The following DCDC1 variants were observed in gnomAD, a reference collection of about 807,000 sequenced individuals.
DCDC1 encodes doublecortin domain-containing protein 1.
Under a neutral mutation model 178.3 loss-of-function variants are expected in DCDC1, and 200 were observed. The observed-to-expected ratio is 1.12, with a 90% CI of 1.00 to 1.26. The LOEUF is 1.26. DCDC1 is among the 50% of genes most tolerant of loss of function. The pLI, the probability that DCDC1 is intolerant of heterozygous loss-of-function variation, is 0.00. For synonymous variants in DCDC1, 690 were observed against 604.8 expected, an observed-to-expected ratio of 1.14 and a Z score of -2.07; for missense variants, 1,983 against 1,749.2, an observed-to-expected ratio of 1.13 and a Z score of -2.38.
chr11:31,277,075 T>G (rs556149658), intron 7 of DCDC1, among the ~76,000 whole-genome samples: 1 of 152,154 alleles, frequency 6.6e-6, no homozygotes, highest in East Asian at 1.9e-4. Flanking sequence ...ACTACCACAG[T>G]GAATATATAG....
chr11:30,893,138 A>T, intron 35 of DCDC1, 141 bp from the exon 36 acceptor site: 1 of 854,518 alleles, frequency 1.2e-6, no homozygotes, highest in Non-Finnish European at 1.7e-6. Context: ...TAAGTACATT[A>T]GCCTCTCTTG....
At chr11:30,922,314 ACATT>A (rs1320319504) in intron 24 of DCDC1, among the ~76,000 whole-genome samples, 185 bp downstream of exon 24, 5 of 152,242 alleles carry the variant, frequency 3.3e-5, no homozygotes, top group Non-Finnish European at 7.3e-5. Context: ...TTCTCTTTGC[ACATT>A]CAAACTGTAG....
intron 20 of DCDC1, among the ~76,000 whole-genome samples, chr11:30,967,881 C>T (rs1209364113): frequency 6.6e-6 from 1 of 151,790 alleles, no homozygotes; most frequent in Non-Finnish European, 1.5e-5. Flanking sequence ...CCAGAGGTCC[C>T]ACATGAAAAG....
intron 20 of DCDC1, among the ~76,000 whole-genome samples, chr11:30,986,372 C>G (rs1330729280): frequency 6.8e-6 from 1 of 147,286 alleles, no homozygotes; most frequent in Non-Finnish European, 1.5e-5. Context: ...CTCGCTCTGT[C>G]GCCAGGCTGG....
intron 20 of DCDC1, among the ~76,000 whole-genome samples, chr11:31,053,413 T>G (rs900670486): frequency 5.3e-5 from 8 of 152,014 alleles, no homozygotes; most frequent in African/African-American, 1.9e-4. Flanking sequence ...AAAGAAAAAT[T>G]GGTACCAATC....
At chr11:31,097,051 A>AG (rs1958209972) in intron 15 of DCDC1, among the ~76,000 whole-genome samples, 12 of 152,362 alleles carry the variant, frequency 7.9e-5, no homozygotes, top group African/African-American at 2.9e-4. Context: ...CTTACTGAGA[A>AG]TCAAAACAAT....
intron 20 of DCDC1, among the ~76,000 whole-genome samples, chr11:30,978,822 ACACAC>A (rs1565147866): frequency 2.5e-5 from 3 of 120,474 alleles, no homozygotes; most frequent in African/African-American, 9.1e-5. Flanking sequence ...ACACACACAC[ACACAC>A]CCCCTTCTCA....
chr11:31,132,726 G>T (rs1962601917), intron 10 of DCDC1, among the ~76,000 whole-genome samples: 1 of 152,084 alleles, frequency 6.6e-6, no homozygotes, highest in Non-Finnish European at 1.5e-5. Context: ...ACAAAAGAAG[G>T]CTTACGTATG....
chr11:31,126,627 C>A (rs913837073), intron 11 of DCDC1, among the ~76,000 whole-genome samples: 5 of 151,930 alleles, frequency 3.3e-5, no homozygotes, highest in African/African-American at 1.2e-4. Context: ...TATCACATAC[C>A]CATAAAAATA....
At chr11:30,933,075 T>C (rs1056102859) in intron 21 of DCDC1, among the ~76,000 whole-genome samples, 1 of 152,080 alleles carries the variant, frequency 6.6e-6, no homozygotes, top group Non-Finnish European at 1.5e-5. Flanking sequence ...AAAATATCAC[T>C]ACTGCATGTA....
At chr11:31,366,940 G>A (rs1165642999) in intron 1 of DCDC1, among the ~76,000 whole-genome samples, 3 of 152,220 alleles carry the variant, frequency 2.0e-5, no homozygotes, top group African/African-American at 7.2e-5. Context: ...GTGAGTTTCA[G>A]CTCTTTGATA....
chr11:31,313,297 A>G (rs1009632004), intron 3 of DCDC1, among the ~76,000 whole-genome samples: 1 of 152,172 alleles, frequency 6.6e-6, no homozygotes, highest in African/African-American at 2.4e-5. Context: ...GTCCTATTAA[A>G]GTTTAACATG....
intron 20 of DCDC1, among the ~76,000 whole-genome samples, chr11:30,968,038 A>G (rs949438454): frequency 1.3e-5 from 2 of 152,154 alleles, no homozygotes; most frequent in African/African-American, 4.8e-5. Context: ...AACACCATCC[A>G]ACACATTTTC....
rs61879918 is a variant in DCDC1 at position 31,356,465 on chromosome 11, A to G, written c.-125+13232T>C. 8.3e-3 allele frequency among the ~76,000 whole-genome samples: 1,256 copies of G among 152,238 alleles called. 7 individuals carry two copies. Among genetic ancestry groups the G allele is most frequent in the Non-Finnish European group, 0.013 (866 of 68,018 alleles). ...TGTAGAGGGAAATTTATAGCACTAA[A>G]TGCCCACAAGAGAAAGCAGGAAAGA... On this transcript the variant is annotated intron_variant, in intron 1 of 38. Transcript: ENST00000684477.
At chr11:31,114,280 C>A (rs1468555999) in intron 11 of DCDC1, among the ~76,000 whole-genome samples, 1 of 152,114 alleles carries the variant, frequency 6.6e-6, no homozygotes, top group Non-Finnish European at 1.5e-5. Flanking sequence ...TGGAAAGAGA[C>A]AATAGGGTTA....
chr11:30,983,043 T>C (rs1365269933), intron 20 of DCDC1, among the ~76,000 whole-genome samples: 1 of 152,154 alleles, frequency 6.6e-6, no homozygotes, highest in South Asian at 2.1e-4. Context: ...TCTACAGCTG[T>C]GTTGGAAAAT....
intron 7 of DCDC1, among the ~76,000 whole-genome samples, chr11:31,282,942 G>C (rs543941675): frequency 1.3e-5 from 2 of 152,230 alleles, no homozygotes; most frequent in South Asian, 4.1e-4. Flanking sequence ...CTAAAGAGAA[G>C]TTAGCTTTTA....
At chr11:30,870,254 C>T (rs1044694547) in intron 38 of DCDC1, among the ~76,000 whole-genome samples, 2 of 152,104 alleles carry the variant, frequency 1.3e-5, no homozygotes, top group African/African-American at 2.4e-5. Flanking sequence ...CCCTGAGACA[C>T]CTCTTGAAGA....
At chr11:31,118,364 AT>A (rs1197561136) in intron 11 of DCDC1, among the ~76,000 whole-genome samples, 1 of 152,076 alleles carries the variant, frequency 6.6e-6, no homozygotes, top group African/African-American at 2.4e-5. Context: ...GAAGTAATCC[AT>A]TTTTTTCATC....
Sources: allele counts gnomAD v4.1 joint callset (sites outside exome capture counted in the v4.1 genomes callset), GRCh38; gene constraint gnomAD v4.1.1; transcripts MANE v1.5; gene names NCBI Gene and HGNC (gene_info 2026-07-23, HGNC 2026-07-21).